The following IRAK4 variants were observed in gnomAD, a reference collection of about 807,000 sequenced individuals.
The protein encoded by IRAK4 is interleukin 1 receptor associated kinase 4, also known as interleukin-1 receptor-associated kinase 4.
IRAK4 carries 44 observed loss-of-function variants against 51.8 expected under a neutral mutation model. That is an observed-to-expected ratio of 0.85 (90% CI 0.67 to 1.09). The LOEUF is 1.09. Ranked by LOEUF, IRAK4 falls within the 50% of genes least tolerant of loss-of-function variation. The probability of loss-of-function intolerance (pLI) is 0.00; values close to 1 mark genes in which losing one functional copy is unlikely to be tolerated. For missense variants in IRAK4, 487 were observed against 538.0 expected, an observed-to-expected ratio of 0.91 and a Z score of 0.94; for synonymous variants, 149 against 174.1, an observed-to-expected ratio of 0.86 and a Z score of 1.13.
chr12:43,778,400 A>C lies in IRAK4; in HGVS notation c.941+98A>C, dbSNP rs937621038. 33 of 727,164 alleles carry C rather than the reference A, an allele frequency of 4.5e-5. No homozygotes were observed. The African/African-American group carries it at 4.9e-4, about 11-fold the overall frequency. 45.0% of individuals were successfully genotyped at this position (727,164 alleles called of 1,614,324 possible). ...TCATATGCAGGTCTTAACCTAGAGC[A>C]TCTGGACTTTTTTCCCATCACTCCA... is the stretch of plus-strand genomic sequence containing the variant. On this transcript the variant is annotated intron_variant, in intron 8 of 11. Transcript: ENST00000613694.
chr12:43,776,165 C>T (rs887069744), intron 6 of IRAK4, among the ~76,000 whole-genome samples: 2 of 151,990 alleles, frequency 1.3e-5, no homozygotes, highest in African/African-American at 4.8e-5. Context: ...TCACTGCGCC[C>T]GGCCTATTAT....
chr12:43,784,738 T>G (rs1942063978), intron 10 of IRAK4, among the ~76,000 whole-genome samples: 1 of 152,198 alleles, frequency 6.6e-6, no homozygotes, highest in South Asian at 2.1e-4. Context: ...CATAAATCTT[T>G]GGAGAAGGTT....
At chr12:43,771,652 A>G (rs1257161952) in intron 3 of IRAK4, among the ~76,000 whole-genome samples, 1 of 152,214 alleles carries the variant, frequency 6.6e-6, no homozygotes, top group East Asian at 1.9e-4. Context: ...TAAGAAAGTA[A>G]TTATAATTTT....
chr12:43,771,114 A>G, intron 2 of IRAK4, 106 bp from the exon 3 acceptor site: 1 of 1,037,458 alleles, frequency 9.6e-7, no homozygotes, highest in Non-Finnish European at 1.5e-6. Context: ...CGTGAGCCAA[A>G]TTAACTATTA....
intron 1 of IRAK4, among the ~76,000 whole-genome samples, chr12:43,764,350 G>T (rs1939893512): frequency 6.6e-6 from 1 of 152,162 alleles, no homozygotes; most frequent in Non-Finnish European, 1.5e-5. Flanking sequence ...CTTAAACCTG[G>T]GAGGCAGAGG....
chr12:43,763,574 A>G (rs1193943580), intron 1 of IRAK4: 1 of 152,228 alleles, frequency 6.6e-6, no homozygotes, highest in Non-Finnish European at 1.5e-5. Flanking sequence ...ATTGGTAGAT[A>G]TAACCAACAT....
intron 2 of IRAK4, among the ~76,000 whole-genome samples, chr12:43,770,083 T>A (rs1190018173): frequency 6.6e-6 from 1 of 152,206 alleles, no homozygotes; most frequent in Non-Finnish European, 1.5e-5. Context: ...TTTCTGTAAG[T>A]TTGAAATTTT....
chr12:43,781,182 G>A (rs902641673), intron 8 of IRAK4, among the ~76,000 whole-genome samples: 1 of 152,100 alleles, frequency 6.6e-6, no homozygotes, highest in African/African-American at 2.4e-5. Flanking sequence ...TGTTGTGTGA[G>A]CCTCAAAATT....
chr12:43,786,649 G>A, intron 11 of IRAK4, 31 bp from the exon 12 acceptor site: 1 of 1,611,842 alleles, frequency 6.2e-7, no homozygotes, highest in Middle Eastern at 1.7e-4. Context: ...GTATAATGTG[G>A]TTCTTTTGTT....
chr12:43,786,876 T>C lies in IRAK4; in HGVS notation c.*161T>C. The stretch of plus-strand genomic sequence containing the variant: ...GGGTTGAACTTCCAAAATATAAAAA[T>C]AGAGCCACCATATCAACACTTAGCC... On this transcript the variant is annotated 3_prime_UTR_variant, in exon 12 of 12. Coordinates refer to ENST00000613694, the MANE Select transcript of IRAK4 (RefSeq NM_016123.4). 2 of 648,226 alleles carry C rather than the reference T, an allele frequency of 3.1e-6. No homozygotes were observed. Among genetic ancestry groups the C allele is most frequent in the East Asian group, 2.7e-5 (1 of 36,812 alleles). 40.2% of individuals were successfully genotyped at this position (648,226 alleles called of 1,614,324 possible). A position where few individuals can be genotyped will look rare whatever the true frequency, so the allele number is the denominator to read the frequency against.
chr12:43,773,269 G>A (rs1018246795), intron 5 of IRAK4, among the ~76,000 whole-genome samples, 197 bp downstream of exon 5: 20 of 152,184 alleles, frequency 1.3e-4, no homozygotes, highest in Admixed American at 3.3e-4. Context: ...ATGTGGTTAT[G>A]TCCATGTACA....
Position 43,772,985 on chromosome 12 carries a change from TG to T in IRAK4, c.566del (p.Gly189ValfsTer17). 1 of 1,612,032 alleles carries T rather than the reference TG, an allele frequency of 6.2e-7. No homozygotes were observed. Among genetic ancestry groups the T allele is most frequent in the Non-Finnish European group, 8.5e-7 (1 of 1,178,672 alleles). On this transcript the variant is annotated frameshift_variant, in exon 5 of 12. Transcript: ENST00000613694. LOFTEE classifies it high-confidence loss of function. ...TTGATGAACGACCCATTTCTGTTGGTGGTAATAAAATGGGAGAGGGAGGATT... is the reference window on the plus strand; with the variant it reads ...TTGATGAACGACCCATTTCTGTTGGTGTAATAAAATGGGAGAGGGAGGATT... ...NFDERPISVG[G>X]NKMGEGGFGV... is the part of the protein sequence containing the mutation.
At chr12:43,771,589 T>G (rs1050095490) in intron 3 of IRAK4, among the ~76,000 whole-genome samples, 12 of 152,222 alleles carry the variant, frequency 7.9e-5, no homozygotes, top group African/African-American at 2.9e-4. Context: ...TTAGATAGTT[T>G]TGTGCCAACA....
intron 1 of IRAK4, among the ~76,000 whole-genome samples, chr12:43,761,996 T>G (rs1939607637): frequency 6.6e-6 from 1 of 152,166 alleles, no homozygotes; most frequent in Admixed American, 6.5e-5. Context: ...CTAAGTGTAC[T>G]AAAGTAAATC....
chr12:43,784,140 C>A (rs1942018397), intron 10 of IRAK4, among the ~76,000 whole-genome samples: 1 of 152,110 alleles, frequency 6.6e-6, no homozygotes, highest in African/African-American at 2.4e-5. Context: ...TCACTTATTT[C>A]TATCATGGGG....
At chr12:43,765,202 T>G (rs1332035687) in intron 1 of IRAK4, among the ~76,000 whole-genome samples, 1 of 152,244 alleles carries the variant, frequency 6.6e-6, no homozygotes, top group Non-Finnish European at 1.5e-5. Context: ...ACTTTAATTT[T>G]CAGTCAGAAT....
chr12:43,776,692 T>C (rs1941305379), intron 6 of IRAK4, among the ~76,000 whole-genome samples: 1 of 152,228 alleles, frequency 6.6e-6, no homozygotes, highest in Non-Finnish European at 1.5e-5. Flanking sequence ...AGGTCACATA[T>C]CCAGGAGGGG....
intron 1 of IRAK4, 128 bp from the exon 2 acceptor site, chr12:43,767,975 A>G (rs1248066563): frequency 1.2e-5 from 8 of 668,988 alleles, no homozygotes; most frequent in Middle Eastern, 3.9e-4. Flanking sequence ...TGACTTTGGA[A>G]TGTTTCTTTA....
chr12:43,781,617 G>A (rs1941784939), intron 8 of IRAK4, among the ~76,000 whole-genome samples: 1 of 152,056 alleles, frequency 6.6e-6, no homozygotes, highest in Admixed American at 6.5e-5. Context: ...CAGGCACATG[G>A]TTGTTCTCTC....
Sources: allele counts gnomAD v4.1 joint callset (sites outside exome capture counted in the v4.1 genomes callset), GRCh38; gene constraint gnomAD v4.1.1; transcripts MANE v1.5; gene names NCBI Gene and HGNC (gene_info 2026-07-23, HGNC 2026-07-21).